VEGFC: variants seen among roughly 807,000 people sequenced by gnomAD.
VEGFC encodes the protein vascular endothelial growth factor C, also known as FLT4 ligand DHM.
VEGFC carries 12 observed loss-of-function variants against 46.1 expected under a neutral mutation model. The observed-to-expected ratio is 0.26, with a 90% CI of 0.17 to 0.42. The LOEUF (loss-of-function observed/expected upper bound fraction) is 0.42, where lower values mean the gene tolerates loss of function less well. Among genes scored for constraint, VEGFC ranks in the 10% least tolerant of loss-of-function variants. The probability of loss-of-function intolerance (pLI) is 1.00; values close to 1 mark genes in which losing one functional copy is unlikely to be tolerated. For synonymous variants in VEGFC, 232 were observed against 195.5 expected (o/e 1.19, Z -1.56); for missense variants, 488 against 529.4 (o/e 0.92, Z 0.77).
intron 4 of VEGFC, among the ~76,000 whole-genome samples, chr4:176,706,519 C>T (rs890630993): frequency 4.1e-5 from 6 of 145,086 alleles, no homozygotes; most frequent in African/African-American, 1.3e-4. Flanking sequence ...CACAGCTACT[C>T]GGGAGGATGA....
chr4:176,784,368 C>A (rs1238712898), intron 1 of VEGFC, among the ~76,000 whole-genome samples: 2 of 151,910 alleles, frequency 1.3e-5, no homozygotes, highest in South Asian at 2.1e-4. Flanking sequence ...CCACACCTGG[C>A]CTATATACAC....
intron 4 of VEGFC, among the ~76,000 whole-genome samples, chr4:176,704,592 C>A (rs914578082): frequency 1.3e-5 from 2 of 152,076 alleles, no homozygotes; most frequent in Admixed American, 6.6e-5. Flanking sequence ...GCTGTGGCCA[C>A]CATCTTTATT....
intron 1 of VEGFC, among the ~76,000 whole-genome samples, chr4:176,783,403 T>C (rs999456742): frequency 4.6e-5 from 7 of 152,228 alleles, no homozygotes; most frequent in Admixed American, 2.6e-4. Context: ...AAATTTAGAA[T>C]GCATATTTAT....
chr4:176,748,695 C>T (rs988948953), intron 1 of VEGFC, among the ~76,000 whole-genome samples: 1 of 151,906 alleles, frequency 6.6e-6, no homozygotes, highest in Non-Finnish European at 1.5e-5. Context: ...ATCAGAAATG[C>T]TCTGTGAGCA....
chr4:176,691,975 T>C (rs1734190173), intron 4 of VEGFC, among the ~76,000 whole-genome samples: 1 of 152,164 alleles, frequency 6.6e-6, no homozygotes. Flanking sequence ...GGCGAGGCAT[T>C]GCCTCACTTG....
intron 1 of VEGFC, among the ~76,000 whole-genome samples, chr4:176,734,995 T>C (rs1008668313): frequency 2.0e-5 from 3 of 151,762 alleles, no homozygotes; most frequent in African/African-American, 7.2e-5. Flanking sequence ...ATGTTTCTGA[T>C]TTTGCCAAAA....
chr4:176,754,837 A>T (rs928618502), intron 1 of VEGFC, among the ~76,000 whole-genome samples: 1 of 152,092 alleles, frequency 6.6e-6, no homozygotes, highest in African/African-American at 2.4e-5. Context: ...ATGAATAAAC[A>T]TAGGAAAATA....
chr4:176,716,843 A>G (rs911122231), intron 3 of VEGFC, among the ~76,000 whole-genome samples: 1 of 151,962 alleles, frequency 6.6e-6, no homozygotes, highest in Non-Finnish European at 1.5e-5. Flanking sequence ...TGAAACAGTA[A>G]GTAGATTATT....
intron 1 of VEGFC, among the ~76,000 whole-genome samples, chr4:176,788,963 C>A (rs536754487): frequency 6.6e-6 from 1 of 152,202 alleles, no homozygotes; most frequent in Non-Finnish European, 1.5e-5. Flanking sequence ...AAGCTCTTTG[C>A]GAAGTGCTTA....
intron 1 of VEGFC, among the ~76,000 whole-genome samples, chr4:176,745,954 T>C (rs1213421624): frequency 6.6e-6 from 1 of 152,118 alleles, no homozygotes; most frequent in Non-Finnish European, 1.5e-5. Flanking sequence ...AATAGTTTTC[T>C]AAGACCTAGG....
intron 3 of VEGFC, 116 bp downstream of exon 3, chr4:176,727,662 A>AG: frequency 2.9e-6 from 3 of 1,026,448 alleles, no homozygotes; most frequent in Non-Finnish European, 1.3e-6. Flanking sequence ...AAAATATGAG[A>AG]CCCTGAGTTG....
At chr4:176,698,650 A>AT (rs2110982893) in intron 4 of VEGFC, among the ~76,000 whole-genome samples, 1 of 152,180 alleles carries the variant, frequency 6.6e-6, no homozygotes, top group Admixed American at 6.6e-5. Context: ...GCTGTACTAT[A>AT]CGTTAGGTCT....
intron 3 of VEGFC, among the ~76,000 whole-genome samples, chr4:176,724,623 C>T (rs1287310526): frequency 1.3e-5 from 2 of 152,122 alleles, no homozygotes; most frequent in African/African-American, 4.8e-5. Flanking sequence ...GAGCTAGCAC[C>T]TCAGGAAAGA....
intron 3 of VEGFC, among the ~76,000 whole-genome samples, chr4:176,712,272 C>A (rs2110999982): frequency 6.6e-6 from 1 of 152,192 alleles, no homozygotes; most frequent in South Asian, 2.1e-4. Flanking sequence ...TTTCTGCTAT[C>A]TTGGTAAAGG....
rs889317397 is a variant in VEGFC, at chr4:176,763,619, G to T, written c.147+28546C>A. 5.9e-5 allele frequency among the ~76,000 whole-genome samples: 9 copies of T among 152,076 alleles called. No individual in the cohort carries two copies. The East Asian group carries it at 1.7e-3, about 29-fold the overall frequency. ...TTAAGTATATGTTATATTCTTTCAC[G>T]TAATCAATATTTAATAGAAATATCT... On this transcript the variant is annotated intron_variant, in intron 1 of 6. Coordinates refer to ENST00000618562, the MANE Select transcript of VEGFC (RefSeq NM_005429.5).
At chr4:176,786,156 T>TA (rs1237364586) in intron 1 of VEGFC, among the ~76,000 whole-genome samples, 2 of 152,168 alleles carry the variant, frequency 1.3e-5, no homozygotes, top group Non-Finnish European at 2.9e-5. Context: ...TCAGCTTTCT[T>TA]AGACACTTCT....
At chr4:176,778,348 G>T (rs1735850421) in intron 1 of VEGFC, among the ~76,000 whole-genome samples, 1 of 151,734 alleles carries the variant, frequency 6.6e-6, no homozygotes, top group Non-Finnish European at 1.5e-5. Context: ...AATTATAATT[G>T]GGAGCAAGAA....
chr4:176,723,474 T>G (rs1579106547), intron 3 of VEGFC, among the ~76,000 whole-genome samples: 1 of 137,592 alleles, frequency 7.3e-6, no homozygotes, highest in Non-Finnish European at 1.5e-5. Flanking sequence ...GGTTTTATTT[T>G]AGGTTTGGGG....
intron 1 of VEGFC, among the ~76,000 whole-genome samples, chr4:176,770,967 G>A (rs1462875926): frequency 2.6e-5 from 3 of 115,848 alleles, no homozygotes; most frequent in Non-Finnish European, 5.3e-5. Flanking sequence ...AATTGAAGGT[G>A]CAAGTAACTG....
Sources: gnomAD v4.1 joint callset for allele counts (sites outside exome capture counted in the v4.1 genomes callset) on GRCh38, gnomAD v4.1.1 for gene constraint, MANE v1.5 for transcripts, NCBI Gene and HGNC (gene_info 2026-07-23, HGNC 2026-07-21) for gene names.